Variants in SEC14L5 observed in about 807,000 individuals in gnomAD.
SEC14L5 encodes SEC14-like protein 5.
In SEC14L5, 96 loss-of-function variants were observed where a neutral mutation model predicts 84.6. That is an observed-to-expected ratio of 1.13 (90% CI 0.96 to 1.34). The LOEUF is 1.34. Among genes scored for constraint, SEC14L5 ranks in the 40% most tolerant of loss-of-function variants. The pLI is 0.00. For missense variants in SEC14L5, 1,224 were observed against 942.5 expected, an observed-to-expected ratio of 1.30 and a Z score of -3.91; for synonymous variants, 546 against 383.4, an observed-to-expected ratio of 1.42 and a Z score of -4.95.
At chr16:5,014,686 G>C (rs991202311) in intron 15 of SEC14L5, among the ~76,000 whole-genome samples, 173 bp from the exon 16 acceptor site, 2 of 152,232 alleles carry the variant, frequency 1.3e-5, no homozygotes, top group African/African-American at 4.8e-5. Context: ...AGATGGGAGT[G>C]TGGGGAATTC....
At chr16:5,010,933 C>T in intron 14 of SEC14L5, 162 bp from the exon 15 acceptor site, 1 of 649,902 alleles carries the variant, frequency 1.5e-6, no homozygotes, top group Non-Finnish European at 2.6e-6. Context: ...GGATGGCTTC[C>T]AGAGGCCCTG....
intron 2 of SEC14L5, among the ~76,000 whole-genome samples, chr16:4,986,492 T>C (rs1955488611): frequency 6.6e-6 from 1 of 152,218 alleles, no homozygotes. Context: ...CCAATTTTGC[T>C]CTTTTTCGAT....
chr16:4,996,422 C>T lies in SEC14L5; in HGVS notation c.742C>T (p.Gln248Ter), dbSNP rs1286721455. The part of the protein sequence containing the change: ...LTPMQESCLI[Q>*]LRHWLQETHK... Reference sequence around the variant, plus strand: ...GCCCATGCAGGAGAGCTGCCTGATCCAGCTTCGGCACTGGTTACAGGAGAC... The same window carrying T: ...GCCCATGCAGGAGAGCTGCCTGATCTAGCTTCGGCACTGGTTACAGGAGAC... Residue 248 changes from glutamine to a stop codon, truncating the protein, a stop_gained, in exon 7 of 16, where the codon CAG (glutamine) becomes TAG (stop). Coordinates refer to ENST00000251170, the MANE Select transcript of SEC14L5 (RefSeq NM_014692.2). LOFTEE classifies it high-confidence loss of function. 5 of 1,573,182 alleles carry T rather than the reference C, an allele frequency of 3.2e-6. No homozygotes were observed. In the African/African-American group the frequency reaches 4.1e-5, roughly 13 times the overall value.
chr16:4,997,234 G>T (rs1955622628), intron 8 of SEC14L5, among the ~76,000 whole-genome samples, 190 bp downstream of exon 8: 1 of 152,170 alleles, frequency 6.6e-6, no homozygotes, highest in African/African-American at 2.4e-5. Context: ...CAGCAGCTGG[G>T]ATTACAGGCA....
Position 5,014,865 on chromosome 16 carries a change from C to T in SEC14L5, c.1986C>T (p.Ser662=). 1.2e-6 allele frequency: 2 copies of T among 1,613,572 alleles called. No individual in the cohort carries two copies. Among genetic ancestry groups the T allele is most frequent in the Non-Finnish European group, 1.7e-6 (2 of 1,179,696 alleles). Residue 662 remains serine, a synonymous_variant, in exon 16 of 16, where the codon TCC becomes TCT. Transcript: ENST00000251170. ...CCACGCCCTTCCTCCCCAGGGGCTC[C>T]ATGTCCAGCCTGGAATCCTGCACCA... is the stretch of plus-strand genomic sequence containing the variant. The part of the protein sequence containing the change: ...EVLASEDFRG[S]MSSLESCTSG...
At chr16:4,961,889 T>C (rs1955125959) in intron 2 of SEC14L5, among the ~76,000 whole-genome samples, 3 of 152,106 alleles carry the variant, frequency 2.0e-5, no homozygotes, top group East Asian at 1.9e-4. Flanking sequence ...TCTTAGAACA[T>C]GTGAGCTGCC....
At chr16:4,983,958 C>G (rs560510813) in intron 2 of SEC14L5, among the ~76,000 whole-genome samples, 1 of 152,010 alleles carries the variant, frequency 6.6e-6, no homozygotes, top group African/African-American at 2.4e-5. Flanking sequence ...TGTATGTGTA[C>G]ATATAAACAC....
intron 11 of SEC14L5, 73 bp downstream of exon 11, chr16:5,003,646 C>T: frequency 1.1e-6 from 1 of 951,728 alleles, no homozygotes; most frequent in Non-Finnish European, 1.6e-6. Flanking sequence ...CTGCAAGCAG[C>T]TCTGCTCTCT....
Position 4,990,886 on chromosome 16 carries a change from C to A in SEC14L5, c.465C>A (p.Asn155Lys). The A allele has an allele frequency of 6.3e-7, 1 of 1,598,140 alleles. No individual in the cohort carries two copies. Among genetic ancestry groups the A allele is most frequent in the Non-Finnish European group, 8.5e-7 (1 of 1,172,244 alleles). ...TCGCCATGAAGCAGTACACCGCCAACGTCAAGAGGGTAAGCGGTGGGTTGC... is the reference window on the plus strand; with the variant it reads ...TCGCCATGAAGCAGTACACCGCCAAAGTCAAGAGGGTAAGCGGTGGGTTGC... ...EKIAMKQYTA[N>K]VKRGKEVIEH... Residue 155 changes from asparagine (N) to lysine (K), a missense_variant, in exon 5 of 16, where the codon AAC becomes AAA. Asn to Lys is a moderately conservative substitution (Grantham distance 94, BLOSUM62 0). Coordinates refer to ENST00000251170, the MANE Select transcript of SEC14L5 (RefSeq NM_014692.2).
chr16:5,002,054 G>C (rs371014688), intron 10 of SEC14L5, among the ~76,000 whole-genome samples: 4 of 152,336 alleles, frequency 2.6e-5, no homozygotes, highest in East Asian at 3.9e-4. Flanking sequence ...ACAGGCGTCA[G>C]CCTCTGTTCC....
chr16:4,970,740 G>A (rs950216035), intron 2 of SEC14L5, among the ~76,000 whole-genome samples: 20 of 152,180 alleles, frequency 1.3e-4, no homozygotes, highest in South Asian at 2.1e-4. Context: ...TCATTCTGAG[G>A]GTGAGTCCTC....
chr16:4,996,217 CG>C (rs1568134180), intron 6 of SEC14L5, 130 bp from the exon 7 acceptor site: 2 of 596,506 alleles, frequency 3.4e-6, no homozygotes, highest in East Asian at 2.9e-5. Flanking sequence ...CTGTCTGGGG[CG>C]GGGGCTTAGC....
intron 2 of SEC14L5, among the ~76,000 whole-genome samples, chr16:4,975,053 G>C (rs2142487242): frequency 6.6e-6 from 1 of 152,132 alleles, no homozygotes; most frequent in South Asian, 2.1e-4. Flanking sequence ...CCTGGGATTA[G>C]AGGTGTGAGC....
chr16:4,961,531 G>A (rs1317165478), intron 2 of SEC14L5, among the ~76,000 whole-genome samples: 4 of 152,050 alleles, frequency 2.6e-5, no homozygotes, highest in South Asian at 2.1e-4. Flanking sequence ...GTTTCATCAC[G>A]TTGGCCACGC....
chr16:4,963,378 C>G (rs1955153035), intron 2 of SEC14L5, among the ~76,000 whole-genome samples: 1 of 152,096 alleles, frequency 6.6e-6, no homozygotes, highest in East Asian at 1.9e-4. Flanking sequence ...GTCTCGCTCG[C>G]TTTGTCATCT....
Position 4,966,261 on chromosome 16 carries a change from C to T in SEC14L5, c.63+6875C>T, listed in dbSNP as rs1246793534. Among the ~76,000 whole-genome samples the T allele has an allele frequency of 7.5e-5, 11 of 146,368 alleles. No homozygotes were observed. In the East Asian group the frequency reaches 1.0e-3, roughly 13 times the overall value. On this transcript the variant is annotated intron_variant, in intron 2 of 15. Transcript: ENST00000251170. ...GATTACAGGCGTGACCCACCGCGCC[C>T]GGCCTCTTTTTTTTTTTTTTTTTTT... is the stretch of plus-strand genomic sequence containing the variant.
intron 12 of SEC14L5, among the ~76,000 whole-genome samples, 190 bp from the exon 13 acceptor site, chr16:5,007,162 A>G (rs146219976): frequency 6.6e-6 from 1 of 152,274 alleles, no homozygotes; most frequent in Non-Finnish European, 1.5e-5. Flanking sequence ...CCTCTGTGAA[A>G]CGGGAAGAAT....
At chr16:4,963,784 C>T (rs1300981866) in intron 2 of SEC14L5, among the ~76,000 whole-genome samples, 3 of 152,176 alleles carry the variant, frequency 2.0e-5, no homozygotes, top group East Asian at 1.9e-4. Flanking sequence ...CTCCAGAGTA[C>T]AGCCTTAGCT....
chr16:5,009,906 A>T (rs1441057272), intron 14 of SEC14L5, among the ~76,000 whole-genome samples: 1 of 152,032 alleles, frequency 6.6e-6, no homozygotes, highest in East Asian at 1.9e-4. Flanking sequence ...AGCCGCAGGG[A>T]GAAGGCAGGT....
Sources: allele counts gnomAD v4.1 joint callset (sites outside exome capture counted in the v4.1 genomes callset), GRCh38; gene constraint gnomAD v4.1.1; transcripts MANE v1.5; gene names NCBI Gene and HGNC (gene_info 2026-07-23, HGNC 2026-07-21).